PAMR1: variants seen among roughly 807,000 people sequenced by gnomAD.
PAMR1 encodes peptidase domain containing associated with muscle regeneration 1.
Under a neutral mutation model 81.8 loss-of-function variants are expected in PAMR1, and 88 were observed. The observed-to-expected ratio is 1.08, with a 90% confidence interval of 0.91 to 1.28. PAMR1 has a LOEUF of 1.28. Ranked by LOEUF, PAMR1 falls within the 50% of genes most tolerant of loss-of-function variation. PAMR1 has a pLI of 0.00. For synonymous variants in PAMR1, 336 were observed against 345.3 expected (o/e 0.97, Z 0.30); for missense variants, 935 against 919.7 (o/e 1.02, Z -0.21).
At position 35,461,613 on chromosome 11, in the gene PAMR1, A is replaced by T. The variant is rs1444296223; in HGVS notation, c.820+6388T>A. Among the ~76,000 whole-genome samples, 4 of 152,048 alleles carry T rather than the reference A, an allele frequency of 2.6e-5. No homozygotes were observed. In the East Asian group the frequency reaches 7.7e-4, roughly 29 times the overall value. On this transcript the variant is annotated intron_variant, in intron 6 of 10. Transcript: ENST00000619888. The stretch of plus-strand genomic sequence containing the variant: ...AAAGAAAACTTTTCCCCAAAATTAA[A>T]AAAAAAAACACACATACACACCCAC...
intron 1 of PAMR1, among the ~76,000 whole-genome samples, chr11:35,494,646 G>C (rs1850693225): frequency 2.0e-5 from 3 of 152,118 alleles, no homozygotes; most frequent in African/African-American, 7.2e-5. Context: ...GGAGTGGTAA[G>C]ACTCTTAAGT....
intron 1 of PAMR1, among the ~76,000 whole-genome samples, chr11:35,518,954 T>C (rs1851220188): frequency 6.6e-6 from 1 of 152,146 alleles, no homozygotes; most frequent in African/African-American, 2.4e-5. Flanking sequence ...TTTCCAAACA[T>C]CAAGTCAACT....
In PAMR1 at chr11:35,480,646, T is replaced by C. The variant is rs966749680; in HGVS notation, c.380-5902A>G. Among the ~76,000 whole-genome samples the C allele has an allele frequency of 8.5e-5, 13 of 152,354 alleles. 1 individual carries two copies. Among genetic ancestry groups the C allele is most frequent in the African/African-American group, 2.6e-4 (11 of 41,588 alleles). The stretch of plus-strand genomic sequence containing the variant: ...TTTTTCAGTGCTAGGGTTTCCATTG[T>C]GTTCTTTTAAATACTTTTCAAATCT... On this transcript the variant is annotated intron_variant, in intron 3 of 10. Coordinates refer to ENST00000619888, the MANE Select transcript of PAMR1 (RefSeq NM_001001991.3).
At position 35,441,540 on chromosome 11, in the gene PAMR1, T is replaced by C. The variant is rs745585185; in HGVS notation, c.974A>G (p.Glu325Gly). 1.1e-5 allele frequency: 17 copies of C among 1,613,870 alleles called. No homozygotes were observed. The African/African-American group carries it at 2.0e-4, about 19-fold the overall frequency. Reference protein sequence around the residue: ...CNNSYVLSGNEKRTCQQNGEW... With the variant: ...CNNSYVLSGNGKRTCQQNGEW... Reference sequence around the variant, plus strand: ...TCCATTCTGCTGGCAAGTTCTTTTCTCATTGCCACTAAGAACATAGGAGTT... The same window carrying C: ...TCCATTCTGCTGGCAAGTTCTTTTCCCATTGCCACTAAGAACATAGGAGTT... Residue 325 changes from glutamate to glycine, a missense_variant, in exon 7 of 11, where the codon GAG (glutamate) becomes GGG (glycine). Physicochemically the swap from Glu to Gly is moderately conservative, Grantham distance 98. Coordinates refer to ENST00000619888, the MANE Select transcript of PAMR1 (RefSeq NM_001001991.3).
At chr11:35,448,235 G>A (rs993879017) in intron 6 of PAMR1, among the ~76,000 whole-genome samples, 1 of 152,138 alleles carries the variant, frequency 6.6e-6, no homozygotes, top group Non-Finnish European at 1.5e-5. Flanking sequence ...CCTGAAGTAT[G>A]TTTTCTAGCA....
chr11:35,493,324 C>T (rs1034749487), intron 2 of PAMR1, among the ~76,000 whole-genome samples: 1 of 152,164 alleles, frequency 6.6e-6, no homozygotes, highest in Non-Finnish European at 1.5e-5. Context: ...ATAGCCTAAA[C>T]TTTGAAGCAC....
rs548650316 is a variant in PAMR1, at chr11:35,489,716, C to A, written c.379+2329G>T. On this transcript the variant is annotated intron_variant, in intron 3 of 10. Coordinates refer to ENST00000619888, the MANE Select transcript of PAMR1 (RefSeq NM_001001991.3). ...CATTTTCACACCCTGACCATACTAT[C>A]CCTCTCCCTGAAATATCTTCCTGCT... Among the ~76,000 whole-genome samples the A allele has an allele frequency of 2.0e-4, 31 of 152,300 alleles. 1 individual carries two copies. The South Asian group carries it at 6.4e-3, about 32-fold the overall frequency.
chr11:35,442,441 T>A (rs1176969482), intron 6 of PAMR1, among the ~76,000 whole-genome samples: 7 of 152,182 alleles, frequency 4.6e-5, no homozygotes, highest in Admixed American at 6.5e-5. Context: ...TTCTATCAGA[T>A]AGGTAACATA....
intron 6 of PAMR1, among the ~76,000 whole-genome samples, chr11:35,452,132 G>A (rs1590329393): frequency 6.6e-6 from 1 of 152,170 alleles, no homozygotes; most frequent in African/African-American, 2.4e-5. Flanking sequence ...TATGTTCGAG[G>A]AAATAAAACA....
intron 4 of PAMR1, 42 bp from the exon 5 acceptor site, chr11:35,470,860 G>A: frequency 7.0e-7 from 1 of 1,426,262 alleles, no homozygotes; most frequent in Non-Finnish European, 9.9e-7. Context: ...GATGGGCCCT[G>A]GACAGTCCTG....
chr11:35,516,941 A>G (rs1296756930), intron 1 of PAMR1, among the ~76,000 whole-genome samples: 1 of 152,162 alleles, frequency 6.6e-6, no homozygotes, highest in African/African-American at 2.4e-5. Flanking sequence ...AGCCTCTGTG[A>G]GAGGGGGGAA....
intron 4 of PAMR1, among the ~76,000 whole-genome samples, chr11:35,473,892 GC>G (rs1850235864): frequency 6.6e-6 from 1 of 152,200 alleles, no homozygotes; most frequent in South Asian, 2.1e-4. Context: ...AGTGAGGAAA[GC>G]GGGAGGTGTT....
At chr11:35,488,013 A>G (rs558869731) in intron 3 of PAMR1, among the ~76,000 whole-genome samples, 80 of 152,286 alleles carry the variant, frequency 5.3e-4, no homozygotes, top group African/African-American at 1.5e-3. Context: ...AGCCTAGGAC[A>G]GAAAAGGAAG....
intron 3 of PAMR1, among the ~76,000 whole-genome samples, chr11:35,486,735 C>T (rs1336853024): frequency 6.6e-6 from 1 of 152,224 alleles, no homozygotes; most frequent in East Asian, 1.9e-4. Flanking sequence ...TTTTCTGTTT[C>T]ATAACATTTG....
chr11:35,462,129 C>T (rs1856669015), intron 6 of PAMR1, among the ~76,000 whole-genome samples: 1 of 152,122 alleles, frequency 6.6e-6, no homozygotes. Flanking sequence ...AGGGGACTGA[C>T]ACAGCCCACA....
rs530983172 is a variant in PAMR1, at chr11:35,490,915, C to T, written c.379+1130G>A. Among the ~76,000 whole-genome samples, 14 of 152,284 alleles carry T rather than the reference C, an allele frequency of 9.2e-5. No homozygotes were observed. In the East Asian group the frequency reaches 2.5e-3, roughly 27 times the overall value. On this transcript the variant is annotated intron_variant, in intron 3 of 10. Transcript: ENST00000619888. ...GTGACAGACAAAATCATTATTTAAACCTAGGTCTGTTTCATTCTAGAGCTT... is the reference window on the plus strand; with the variant it reads ...GTGACAGACAAAATCATTATTTAAATCTAGGTCTGTTTCATTCTAGAGCTT...
At chr11:35,484,057 G>A (rs1046484100) in intron 3 of PAMR1, among the ~76,000 whole-genome samples, 1 of 152,028 alleles carries the variant, frequency 6.6e-6, no homozygotes, top group African/African-American at 2.4e-5. Context: ...TCATTTCATG[G>A]CTCTGGATTA....
At chr11:35,507,368 T>C (rs550191374) in intron 1 of PAMR1, among the ~76,000 whole-genome samples, 1 of 151,928 alleles carries the variant, frequency 6.6e-6, no homozygotes, top group East Asian at 1.9e-4. Context: ...GACTTTGAAC[T>C]CACTGATTCT....
In PAMR1 at chr11:35,525,485, A is replaced by G. The variant is rs1331132433; in HGVS notation, c.73+28T>C. On this transcript the variant is annotated intron_variant, in intron 1 of 10. Coordinates refer to ENST00000619888, the MANE Select transcript of PAMR1 (RefSeq NM_001001991.3). ...ATGCTCCCTCCTAGGGTGTCCTCCTAGGGTGTCCCGGACGCTACTCACAGT... is the reference window on the plus strand; with the variant it reads ...ATGCTCCCTCCTAGGGTGTCCTCCTGGGGTGTCCCGGACGCTACTCACAGT... The G allele has an allele frequency of 2.5e-6, 4 of 1,598,720 alleles. No homozygotes were observed. In the South Asian group the frequency reaches 3.3e-5, roughly 13 times the overall value.
Sources: gnomAD v4.1 joint callset for allele counts (sites outside exome capture counted in the v4.1 genomes callset) on GRCh38, gnomAD v4.1.1 for gene constraint, MANE v1.5 for transcripts, NCBI Gene and HGNC (gene_info 2026-07-23, HGNC 2026-07-21) for gene names.